Variants in SLC15A1 observed in about 807,000 individuals in gnomAD.
SLC15A1 encodes solute carrier family 15 member 1, also known as Caco-2 oligopeptide transporter.
SLC15A1 carries 83 observed loss-of-function variants against 92.9 expected under a neutral mutation model. The observed-to-expected ratio is 0.89, with a 90% CI of 0.75 to 1.07. The LOEUF is 1.07. Among genes scored for constraint, SLC15A1 ranks in the 50% least tolerant of loss-of-function variants. The probability of loss-of-function intolerance (pLI) is 0.00; values close to 1 mark genes in which losing one functional copy is unlikely to be tolerated. For synonymous variants in SLC15A1, 322 were observed against 318.2 expected, an observed-to-expected ratio of 1.01 and a Z score of -0.13; for missense variants, 857 against 880.1, an observed-to-expected ratio of 0.97 and a Z score of 0.33.
rs1187292332 is a variant in SLC15A1, at chr13:98,684,288, C to T, written c.*436G>A. The T allele has an allele frequency of 6.3e-6, 1 of 157,890 alleles. No individual in the cohort carries two copies. The highest frequency in any genetic ancestry group is 1.4e-5 in the Non-Finnish European group (1 of 71,352). 9.8% of individuals were successfully genotyped at this position (157,890 alleles called of 1,614,324 possible). ...CACGGCCGGGCGCGGTAGCTCAAGC[C>T]TGTAATCCCAGCACTTTGGCAGGCC... On this transcript the variant is annotated 3_prime_UTR_variant, in exon 23 of 23. Coordinates refer to ENST00000376503, the MANE Select transcript of SLC15A1 (RefSeq NM_005073.4).
chr13:98,709,535 A>G, intron 14 of SLC15A1, 37 bp downstream of exon 14: 3 of 1,582,632 alleles, frequency 1.9e-6, no homozygotes, highest in Middle Eastern at 1.7e-4. Flanking sequence ...CCTGGGACCA[A>G]GGGAGCCTCA....
At chr13:98,712,680 C>T (rs1455220368) in intron 9 of SLC15A1, 96 bp from the exon 10 acceptor site, 21 of 859,042 alleles carry the variant, frequency 2.4e-5, no homozygotes, top group South Asian at 9.8e-5. Context: ...GAAAAATATA[C>T]GTGTGAGAAA....
chr13:98,734,812 C>A (rs2088378411), intron 1 of SLC15A1, among the ~76,000 whole-genome samples: 2 of 152,044 alleles, frequency 1.3e-5, no homozygotes, highest in African/African-American at 4.8e-5. Flanking sequence ...CTGAATAGAC[C>A]AATAACAGGC....
intron 18 of SLC15A1, among the ~76,000 whole-genome samples, chr13:98,693,087 GTTTTTTTTTTTTTTTT>G (rs55817470): frequency 0.021 from 1,196 of 58,088 alleles, 52 homozygotes; most frequent in African/African-American, 0.084. Flanking sequence ...TATTGTCTAC[GTTTTTTTTTTTTTTTT>G]TTTTTTTTTT....
At chr13:98,719,106 A>T (rs1284486259) in intron 8 of SLC15A1, 131 bp downstream of exon 8, 1 of 656,496 alleles carries the variant, frequency 1.5e-6, no homozygotes, top group Non-Finnish European at 2.7e-6. Context: ...CATGTTTAAC[A>T]TCTGATGCCA....
intron 1 of SLC15A1, among the ~76,000 whole-genome samples, chr13:98,747,339 T>G (rs1566461797): frequency 6.6e-6 from 1 of 152,246 alleles, no homozygotes; most frequent in Admixed American, 6.5e-5. Flanking sequence ...CTGCAAAGCA[T>G]AGAATCAAGA....
At chr13:98,733,961 C>T (rs1289289002) in intron 1 of SLC15A1, among the ~76,000 whole-genome samples, 3 of 152,010 alleles carry the variant, frequency 2.0e-5, no homozygotes, top group African/African-American at 4.8e-5. Context: ...GAGATCTGGT[C>T]GTTTTATTTT....
chr13:98,693,850 C>T (rs1207251234), intron 18 of SLC15A1, among the ~76,000 whole-genome samples: 4 of 152,194 alleles, frequency 2.6e-5, no homozygotes, highest in Admixed American at 6.5e-5. Flanking sequence ...AAAGGGAAAG[C>T]GAAGCTTGGG....
chr13:98,740,916 A>C (rs187406768), intron 1 of SLC15A1, among the ~76,000 whole-genome samples: 1 of 152,326 alleles, frequency 6.6e-6, no homozygotes, highest in Admixed American at 6.5e-5. Context: ...CATCAGAGTC[A>C]GGTTAGCTTT....
chr13:98,704,162 A>C, intron 17 of SLC15A1, 127 bp downstream of exon 17: 1 of 843,406 alleles, frequency 1.2e-6, no homozygotes, highest in Non-Finnish European at 1.8e-6. Flanking sequence ...GTGTTCCAGA[A>C]GAAGGAAGAA....
At chr13:98,746,907 C>A (rs2088497303) in intron 1 of SLC15A1, among the ~76,000 whole-genome samples, 1 of 152,120 alleles carries the variant, frequency 6.6e-6, no homozygotes, top group African/African-American at 2.4e-5. Context: ...TGTGGAAGAC[C>A]CTGTCCCTGT....
rs368119533 is a variant in SLC15A1 at position 98,712,090 on chromosome 13, G to A, written c.811-147C>T. On this transcript the variant is annotated intron_variant, in intron 10 of 22. Coordinates refer to ENST00000376503, the MANE Select transcript of SLC15A1 (RefSeq NM_005073.4). ...GGTGATTAATCCAAAACATACTGCC[G>A]CAGTTTTCTTTAGAAAATCGAAAAT... 4.6e-5 allele frequency: 28 copies of A among 614,934 alleles called. 1 individual carries two copies. The highest frequency in any genetic ancestry group is 2.9e-4 in the South Asian group (14 of 47,514). 38.1% of individuals were successfully genotyped at this position (614,934 alleles called of 1,614,324 possible). A position where few individuals can be genotyped will look rare whatever the true frequency, so the allele number is the denominator to read the frequency against.
At chr13:98,688,116 A>T in intron 20 of SLC15A1, 132 bp downstream of exon 20, 1 of 648,332 alleles carries the variant, frequency 1.5e-6, no homozygotes, top group South Asian at 2.2e-5. Flanking sequence ...CAAGCAAATT[A>T]ATTCTAAGCC....
Position 98,702,474 on chromosome 13 carries a change from A to G in SLC15A1, c.1466+6T>C, listed in dbSNP as rs2088075837. The G allele has an allele frequency of 6.3e-7, 1 of 1,596,798 alleles. No homozygotes were observed. The highest frequency in any genetic ancestry group is 1.3e-5 in the African/African-American group (1 of 74,538). On this transcript the variant is annotated splice_donor_region_variant and intron_variant, in intron 18 of 22. Coordinates refer to ENST00000376503, the MANE Select transcript of SLC15A1 (RefSeq NM_005073.4). ...TAAAACTTAAATTTTAAAGAAATAT[A>G]CATACCTGATTCCATTTTCCCCTTT...
intron 6 of SLC15A1, 98 bp from the exon 7 acceptor site, chr13:98,721,683 G>T: frequency 7.8e-7 from 1 of 1,285,982 alleles, no homozygotes; most frequent in Non-Finnish European, 1.1e-6. Flanking sequence ...GTTTTGGTTG[G>T]TATCTTACTT....
intron 15 of SLC15A1, 142 bp from the exon 16 acceptor site, chr13:98,706,395 C>A: frequency 1.2e-6 from 1 of 855,588 alleles, no homozygotes; most frequent in Non-Finnish European, 1.8e-6. Flanking sequence ...ACTAAGCTGC[C>A]AATCACAGAC....
intron 1 of SLC15A1, among the ~76,000 whole-genome samples, chr13:98,747,279 G>C (rs377567255): frequency 6.6e-6 from 1 of 152,074 alleles, no homozygotes; most frequent in African/African-American, 2.4e-5. Flanking sequence ...CCTGACCCTT[G>C]TTTTTATTTC....
intron 1 of SLC15A1, among the ~76,000 whole-genome samples, chr13:98,733,003 C>T (rs1302451664): frequency 6.6e-6 from 1 of 152,012 alleles, no homozygotes; most frequent in Non-Finnish European, 1.5e-5. Context: ...CAGACAGACC[C>T]AATATAATCA....
At chr13:98,744,472 C>T (rs1266806936) in intron 1 of SLC15A1, among the ~76,000 whole-genome samples, 3 of 151,524 alleles carry the variant, frequency 2.0e-5, no homozygotes, top group African/African-American at 2.4e-5. Context: ...ATGGCAAAGC[C>T]GGGTGCGGTG....
Sources: gnomAD v4.1 joint callset for allele counts (sites outside exome capture counted in the v4.1 genomes callset) on GRCh38, gnomAD v4.1.1 for gene constraint, MANE v1.5 for transcripts, NCBI Gene and HGNC (gene_info 2026-07-23, HGNC 2026-07-21) for gene names.